Variants in PHF20L1 observed in about 807,000 individuals in gnomAD.
PHF20L1 encodes PHD finger protein 20-like protein 1.
Under a neutral mutation model 125.5 loss-of-function variants are expected in PHF20L1, and 44 were observed. The ratio of observed to expected loss-of-function variants is 0.35; its 90% CI spans 0.28 to 0.45. PHF20L1 has a LOEUF of 0.45. PHF20L1 is among the 20% of genes least tolerant of loss of function. PHF20L1 has a pLI of 1.00. For synonymous variants in PHF20L1, 380 were observed against 403.1 expected (o/e 0.94, Z 0.69); for missense variants, 1,012 against 1,217.2 (o/e 0.83, Z 2.51).
At chr8:132,775,687 C>T (rs1282032607) in intron 1 of PHF20L1, 42 bp downstream of exon 1, 4 of 327,532 alleles carry the variant, frequency 1.2e-5, no homozygotes, top group Non-Finnish European at 2.2e-5. Context: ...CGCCTGGCCC[C>T]CGCCGGGCCG....
intron 13 of PHF20L1, 110 bp from the exon 14 acceptor site, chr8:132,825,154 G>A (rs374277833): frequency 5.8e-6 from 9 of 1,554,540 alleles, no homozygotes; most frequent in Non-Finnish European, 7.9e-6. Flanking sequence ...TCCACTCTGG[G>A]CAGGTGACTG....
rs552507350 is a variant in PHF20L1, at chr8:132,801,303, T to C, written c.507+2131T>C. Among the ~76,000 whole-genome samples the C allele has an allele frequency of 1.4e-3, 208 of 151,862 alleles. 1 individual carries two copies. The highest frequency in any genetic ancestry group is 3.1e-3 in the East Asian group (16 of 5,176). On this transcript the variant is annotated intron_variant, in intron 6 of 20. Coordinates refer to ENST00000395386, the MANE Select transcript of PHF20L1 (RefSeq NM_016018.5). The stretch of plus-strand genomic sequence containing the variant: ...CAAAACATTTTTTGTGTGCCTTGTT[T>C]CGTTGGATTCTCATAGTAGATCCTT...
At chr8:132,832,088 A>G in intron 14 of PHF20L1, 147 bp from the exon 15 acceptor site, 1 of 604,348 alleles carries the variant, frequency 1.7e-6, no homozygotes, top group Non-Finnish European at 3.0e-6. Flanking sequence ...CCAGTTCATC[A>G]GATCCATATG....
intron 8 of PHF20L1, chr8:132,810,028 T>C (rs527879802): frequency 6.6e-6 from 1 of 152,078 alleles, no homozygotes; most frequent in South Asian, 2.1e-4. Context: ...AATACAGTTA[T>C]ATATTACAAT....
intron 8 of PHF20L1, chr8:132,810,037 A>G (rs1834190554): frequency 6.6e-6 from 1 of 151,644 alleles, no homozygotes. Context: ...ATATATTACA[A>G]TAAAATACTG....
chr8:132,781,117 T>G (rs1390773685), intron 2 of PHF20L1, among the ~76,000 whole-genome samples: 1 of 152,032 alleles, frequency 6.6e-6, no homozygotes, highest in Non-Finnish European at 1.5e-5. Flanking sequence ...TCCCAAAGTG[T>G]ACTCCTGGCT....
At position 132,847,404 on chromosome 8, in the gene PHF20L1, GTT is replaced by G. The variant is rs1322635107; in HGVS notation, c.*1483_*1484del. ...ACTTGAATATTTTATGCCTCATTCT[GTT>G]TATCAGTTCTCGCAATCTGTATAAA... On this transcript the variant is annotated 3_prime_UTR_variant, in exon 21 of 21. Coordinates refer to ENST00000395386, the MANE Select transcript of PHF20L1 (RefSeq NM_016018.5). 3 of 152,528 alleles carry G rather than the reference GTT, an allele frequency of 2.0e-5. No homozygotes were observed. The East Asian group carries it at 5.8e-4, about 29-fold the overall frequency. The allele number at this position is 152,528 out of a possible 1,614,324, so 9.4% of individuals were successfully genotyped here. A position where few individuals can be genotyped will look rare whatever the true frequency, so the allele number is the denominator to read the frequency against.
intron 12 of PHF20L1, chr8:132,818,780 C>T (rs1329738989): frequency 2.0e-5 from 3 of 151,656 alleles, no homozygotes. Flanking sequence ...TGATAAAGGT[C>T]TTATTCGGTT....
intron 6 of PHF20L1, among the ~76,000 whole-genome samples, chr8:132,801,622 A>G (rs1017255722): frequency 1.3e-5 from 2 of 151,762 alleles, no homozygotes; most frequent in Non-Finnish European, 3.0e-5. Context: ...TAGAGTGACT[A>G]TAGTTATTAA....
chr8:132,783,535 A>G (rs1268614959), intron 2 of PHF20L1, among the ~76,000 whole-genome samples: 1 of 152,150 alleles, frequency 6.6e-6, no homozygotes, highest in Admixed American at 6.5e-5. Flanking sequence ...TACTAGAGAT[A>G]AGTTGTGTCA....
In PHF20L1 at chr8:132,807,698, C is replaced by CT. The variant is rs1348004048; in HGVS notation, c.847+2959dup. The CT allele has an allele frequency of 6.6e-6, 3 of 454,514 alleles. No individual in the cohort carries two copies. In the East Asian group the frequency reaches 2.1e-4, roughly 32 times the overall value. 28.2% of individuals were successfully genotyped at this position (454,514 alleles called of 1,614,324 possible). A position where few individuals can be genotyped will look rare whatever the true frequency, so the allele number is the denominator to read the frequency against. ...TTCCCATTCCAGGGAGCTCTGGGCTCTGTTCTACTTATTCGTATTGGCAGG... is the reference window on the plus strand; with the variant it reads ...TTCCCATTCCAGGGAGCTCTGGGCTCTTGTTCTACTTATTCGTATTGGCAGG... On this transcript the variant is annotated intron_variant, in intron 8 of 20. Transcript: ENST00000395386.
chr8:132,817,136 A>G, intron 11 of PHF20L1, 60 bp downstream of exon 11: 4 of 1,072,270 alleles, frequency 3.7e-6, no homozygotes, highest in Non-Finnish European at 5.3e-6. Context: ...AAAAACTAAG[A>G]GATAAAGATT....
chr8:132,813,099 T>C, intron 9 of PHF20L1: 1 of 965,632 alleles, frequency 1.0e-6, no homozygotes, highest in Non-Finnish European at 1.2e-6. Flanking sequence ...TTTTAAAATC[T>C]TGTTTTATAA....
At chr8:132,819,077 A>G (rs1246363475) in intron 12 of PHF20L1, 1 of 151,938 alleles carries the variant, frequency 6.6e-6, no homozygotes. Flanking sequence ...TAACCAGATT[A>G]TTAACTTCCT....
chr8:132,786,865 T>G (rs1426725469), intron 2 of PHF20L1, among the ~76,000 whole-genome samples: 1 of 152,138 alleles, frequency 6.6e-6, no homozygotes, highest in East Asian at 1.9e-4. Context: ...TTCGTTATTT[T>G]AAGAAGGTAG....
chr8:132,778,703 G>A (rs551646042), intron 2 of PHF20L1, among the ~76,000 whole-genome samples: 8 of 152,288 alleles, frequency 5.3e-5, no homozygotes, highest in African/African-American at 9.6e-5. Context: ...CCTAAGGAGC[G>A]TATTCCTCAT....
At position 132,794,560 on chromosome 8, in the gene PHF20L1, A is replaced by G; in HGVS notation, c.234A>G (p.Leu78=). 6.2e-7 allele frequency: 1 copy of G among 1,609,736 alleles called. No individual in the cohort carries two copies. The highest frequency in any genetic ancestry group is 1.1e-5 in the South Asian group (1 of 90,398). Residue 78 remains leucine, a synonymous_variant, in exon 3 of 21, where the codon CTA becomes CTG. Transcript: ENST00000395386. The part of the protein sequence containing the change: ...LERPALRKEG[L]KDEEDFFDFK... ...GACCAGCACTAAGAAAAGAAGGGCT[A>G]AAAGATGAGGAAGATTTCTTTGTAA...
rs187978882 is a variant in PHF20L1, at chr8:132,821,930, C to T, written c.1580-2074C>T. On this transcript the variant is annotated intron_variant, in intron 12 of 20. Transcript: ENST00000395386. ...GTACTTTGGTCACCAAATTCTAGCA[C>T]GTGGTAAAATAAGGACGAGATCGTG... Among the ~76,000 whole-genome samples, 12 of 151,872 alleles carry T rather than the reference C, an allele frequency of 7.9e-5. No homozygotes were observed. The East Asian group carries it at 1.8e-3, about 22-fold the overall frequency.
chr8:132,847,274 C>T lies in PHF20L1; in HGVS notation c.*1351C>T, dbSNP rs1052851400. 7.9e-5 allele frequency: 12 copies of T among 152,620 alleles called. No individual in the cohort carries two copies. The highest frequency in any genetic ancestry group is 2.2e-4 in the African/African-American group (9 of 41,546). 9.5% of individuals were successfully genotyped at this position (152,620 alleles called of 1,614,324 possible). A position where few individuals can be genotyped will look rare whatever the true frequency, so the allele number is the denominator to read the frequency against. On this transcript the variant is annotated 3_prime_UTR_variant, in exon 21 of 21. Transcript: ENST00000395386. The stretch of plus-strand genomic sequence containing the variant: ...AATTGGTGGTTAACATGAAATGTTA[C>T]CTTTTAACAGACTGTTTTTAAAAAT...
Sources: gnomAD v4.1 joint callset for allele counts (sites outside exome capture counted in the v4.1 genomes callset) on GRCh38, gnomAD v4.1.1 for gene constraint, MANE v1.5 for transcripts, NCBI Gene and HGNC (gene_info 2026-07-23, HGNC 2026-07-21) for gene names.